UGT2B15: variants seen among roughly 807,000 people sequenced by gnomAD.
UGT2B15 encodes the protein UDP-glucuronosyltransferase 2B15.
A neutral mutation model predicts 45.9 loss-of-function variants in UGT2B15; 36 were observed. That is an observed-to-expected ratio of 0.78 (90% CI 0.60 to 1.04). UGT2B15 has a LOEUF of 1.04. UGT2B15 is among the 50% of genes least tolerant of loss of function. The pLI is 0.00. For missense variants in UGT2B15, 617 were observed against 622.4 expected (o/e 0.99, Z 0.09); for synonymous variants, 219 against 216.4 (o/e 1.01, Z -0.11).
intron 3 of UGT2B15, among the ~76,000 whole-genome samples, chr4:68,658,715 T>C (rs1732879528): frequency 1.3e-5 from 2 of 152,092 alleles, no homozygotes; most frequent in African/African-American, 2.4e-5. Context: ...AAAACTGTTA[T>C]CATTTTTATT....
chr4:68,647,031 T>C lies in UGT2B15; in HGVS notation c.*73A>G, dbSNP rs2109815296. On this transcript the variant is annotated 3_prime_UTR_variant, in exon 6 of 6. Transcript: ENST00000338206. The stretch of plus-strand genomic sequence containing the variant: ...GTCACAGGAAAAAGGAAATCCTCCA[T>C]TTAAAACCCTCCATGCTGAAATAAA... 2.6e-6 allele frequency: 4 copies of C among 1,533,274 alleles called. No individual in the cohort carries two copies. The highest frequency in any genetic ancestry group is 4.5e-5 in the East Asian group (2 of 44,268). 95.0% of individuals were successfully genotyped at this position (1,533,274 alleles called of 1,614,324 possible). A position where few individuals can be genotyped will look rare whatever the true frequency, so the allele number is the denominator to read the frequency against.
chr4:68,648,576 T>C (rs939327647), intron 5 of UGT2B15, among the ~76,000 whole-genome samples: 2 of 152,076 alleles, frequency 1.3e-5, no homozygotes, highest in African/African-American at 4.8e-5. Flanking sequence ...TCTTCTACAG[T>C]AAAACTTCAA....
Position 68,647,098 on chromosome 4 carries a change from A to G in UGT2B15, c.*6T>C, listed in dbSNP as rs1732496846. On this transcript the variant is annotated 3_prime_UTR_variant, in exon 6 of 6. Transcript: ENST00000338206. ...TCAGTCATTCCACTTCAGGCTTTTG[A>G]TATAACTAATCTCTTTTCTTCTTCT... 1 of 1,609,868 alleles carries G rather than the reference A, an allele frequency of 6.2e-7. No homozygotes were observed. The highest frequency in any genetic ancestry group is 8.5e-7 in the Non-Finnish European group (1 of 1,177,324).
intron 2 of UGT2B15, among the ~76,000 whole-genome samples, chr4:68,667,367 G>A (rs1464600852): frequency 2.0e-5 from 3 of 151,754 alleles, no homozygotes; most frequent in Non-Finnish European, 4.4e-5. Flanking sequence ...TTAGAGATGA[G>A]GTTTTACCAC....
intron 3 of UGT2B15, among the ~76,000 whole-genome samples, chr4:68,660,982 C>T (rs1732948927): frequency 6.6e-6 from 1 of 151,876 alleles, no homozygotes; most frequent in African/African-American, 2.4e-5. Flanking sequence ...GTTTTTCTCC[C>T]TTTCTCCCTT....
At chr4:68,667,202 G>A (rs577580219) in intron 2 of UGT2B15, among the ~76,000 whole-genome samples, 100 of 150,180 alleles carry the variant, frequency 6.7e-4, no homozygotes, top group Admixed American at 1.4e-3. Flanking sequence ...TCGCTCTGTC[G>A]CACAGGCTAG....
chr4:68,658,960 T>C (rs1324786345), intron 3 of UGT2B15, among the ~76,000 whole-genome samples: 1 of 152,010 alleles, frequency 6.6e-6, no homozygotes, highest in Non-Finnish European at 1.5e-5. Context: ...ATCATTAATG[T>C]CAAAGACACA....
At chr4:68,658,101 C>T (rs985513590) in intron 3 of UGT2B15, among the ~76,000 whole-genome samples, 1 of 151,864 alleles carries the variant, frequency 6.6e-6, no homozygotes, top group African/African-American at 2.4e-5. Context: ...ATACAGATTA[C>T]CTATTGAAAC....
At chr4:68,653,822 A>G (rs1271035945) in intron 5 of UGT2B15, among the ~76,000 whole-genome samples, 1 of 151,956 alleles carries the variant, frequency 6.6e-6, no homozygotes, top group African/African-American at 2.4e-5. Flanking sequence ...TTTTGATTTT[A>G]TAATTCATTG....
chr4:68,666,931 G>C (rs1280714053), intron 2 of UGT2B15, among the ~76,000 whole-genome samples: 1 of 151,088 alleles, frequency 6.6e-6, no homozygotes, highest in East Asian at 2.0e-4. Flanking sequence ...ATTTTTAGTA[G>C]AGACGGGGTT....
In UGT2B15 at chr4:68,670,381, A is replaced by G; in HGVS notation, c.238T>C (p.Ser80Pro). ...TCTTCCAAATAATTTTTAGTTAAAG[A>G]TGTAGGATAAACTTCTAATTTAATA... ...SAIKLEVYPT[S>P]LTKNYLEDSL... Residue 80 changes from serine (S) to proline (P), a missense_variant, in exon 1 of 6, where the codon TCT becomes CCT. This residue lies in a region of UGT2B15 where 351 missense variants were observed against 342.1 expected (regional missense o/e 1.03). Coordinates refer to ENST00000338206, the MANE Select transcript of UGT2B15 (RefSeq NM_001076.4). The G allele has an allele frequency of 6.2e-7, 1 of 1,613,764 alleles. No individual in the cohort carries two copies. Among genetic ancestry groups the G allele is most frequent in the African/African-American group, 1.3e-5 (1 of 75,010 alleles).
chr4:68,650,990 G>A (rs1324088826), intron 5 of UGT2B15, among the ~76,000 whole-genome samples: 3 of 104,720 alleles, frequency 2.9e-5, no homozygotes, highest in African/African-American at 6.3e-5. Context: ...CTTTTTGATG[G>A]TGTTGTTTTT....
intron 2 of UGT2B15, among the ~76,000 whole-genome samples, chr4:68,667,107 C>T (rs570533212): frequency 4.6e-5 from 7 of 151,646 alleles, no homozygotes; most frequent in African/African-American, 1.7e-4. Context: ...TGGGAACTGC[C>T]CTTATTGCTT....
At chr4:68,666,124 A>AT (rs890365146) in intron 2 of UGT2B15, among the ~76,000 whole-genome samples, 4 of 151,604 alleles carry the variant, frequency 2.6e-5, no homozygotes, top group Non-Finnish European at 4.4e-5. Flanking sequence ...TGAGTGAGGA[A>AT]TTTTTTTTTG....
chr4:68,667,245 C>T (rs1271976914), intron 2 of UGT2B15, among the ~76,000 whole-genome samples: 2 of 151,830 alleles, frequency 1.3e-5, no homozygotes, highest in South Asian at 2.1e-4. Context: ...TCACTGCAGC[C>T]TCTGCTCCCA....
rs759580095 is a variant in UGT2B15, at chr4:68,647,336, G to T, written c.1361C>A (p.Pro454Gln). ...MKLSRIHHDQ[P>Q]MKPLDRAVFW... Reference sequence around the variant, plus strand: ...GACTGCTCGATCCAGGGGCTTCATTGGTTGGTCATGATGAATTCTTGATAA... The same window carrying T: ...GACTGCTCGATCCAGGGGCTTCATTTGTTGGTCATGATGAATTCTTGATAA... Residue 454 changes from proline (P) to glutamine (Q), a missense_variant, in exon 6 of 6, where the codon CCA becomes CAA. Coordinates refer to ENST00000338206, the MANE Select transcript of UGT2B15 (RefSeq NM_001076.4). 5 of 1,613,540 alleles carry T rather than the reference G, an allele frequency of 3.1e-6. No homozygotes were observed. In the African/African-American group the frequency reaches 4.0e-5, roughly 13 times the overall value.
intron 5 of UGT2B15, 70 bp downstream of exon 5, chr4:68,653,967 T>C (rs2109823214): frequency 6.3e-7 from 1 of 1,580,224 alleles, no homozygotes; most frequent in East Asian, 2.2e-5. Flanking sequence ...TAAAAACGGG[T>C]TAAAATTCAT....
intron 2 of UGT2B15, 81 bp downstream of exon 2, chr4:68,667,959 A>G (rs1733188791): frequency 6.4e-7 from 1 of 1,551,256 alleles, no homozygotes; most frequent in Non-Finnish European, 8.7e-7. Flanking sequence ...CCTCACTCTG[A>G]GTTAAACACT....
chr4:68,656,102 C>T (rs1015803936), intron 3 of UGT2B15, among the ~76,000 whole-genome samples: 3 of 152,066 alleles, frequency 2.0e-5, no homozygotes, highest in African/African-American at 7.2e-5. Flanking sequence ...TGCTGTACAA[C>T]TCCTTTTTGT....
Sources: allele counts gnomAD v4.1 joint callset (sites outside exome capture counted in the v4.1 genomes callset), GRCh38; gene constraint gnomAD v4.1.1; regional missense constraint gnomAD v4.1.1; transcripts MANE v1.5; gene names NCBI Gene and HGNC (gene_info 2026-07-23, HGNC 2026-07-21).